The following GALK2 variants were observed in gnomAD, a reference collection of about 807,000 sequenced individuals.
GALK2 encodes the protein galactokinase 2.
A neutral mutation model predicts 52.4 loss-of-function variants in GALK2; 36 were observed. That is an observed-to-expected ratio of 0.69 (90% CI 0.53 to 0.91). GALK2 has a LOEUF of 0.91. Ranked by LOEUF, GALK2 falls within the 40% of genes least tolerant of loss-of-function variation. The pLI is 0.00. For synonymous variants in GALK2, 176 were observed against 199.1 expected, an observed-to-expected ratio of 0.88 and a Z score of 0.98; for missense variants, 579 against 559.1, an observed-to-expected ratio of 1.04 and a Z score of -0.36.
chr15:49,181,894 G>A (rs2086000087), intron 1 of GALK2, among the ~76,000 whole-genome samples: 1 of 151,004 alleles, frequency 6.6e-6, no homozygotes, highest in African/African-American at 2.4e-5. Context: ...TATTTATGGG[G>A]TACATGAGAT....
chr15:49,353,958 T>A (rs1174115140), intron 3 of GALK2: 4 of 152,160 alleles, frequency 2.6e-5, no homozygotes, highest in Non-Finnish European at 5.9e-5. Flanking sequence ...ATGGGAAAAA[T>A]GTGTGTTCAT....
chr15:49,351,952 T>C (rs2042317864), intron 3 of GALK2, among the ~76,000 whole-genome samples: 3 of 152,212 alleles, frequency 2.0e-5, no homozygotes, highest in South Asian at 4.1e-4. Context: ...TTTATATTAT[T>C]ACCTCTGTAG....
At chr15:49,275,261 A>C (rs963678114) in intron 5 of GALK2, among the ~76,000 whole-genome samples, 2 of 152,230 alleles carry the variant, frequency 1.3e-5, no homozygotes, top group Non-Finnish European at 2.9e-5. Flanking sequence ...TGTGCAGCAC[A>C]TGACTGTAGT....
chr15:49,258,620 A>C (rs1434330993), intron 5 of GALK2, among the ~76,000 whole-genome samples: 1 of 152,120 alleles, frequency 6.6e-6, no homozygotes, highest in African/African-American at 2.4e-5. Flanking sequence ...GAGTTAAAGT[A>C]TGTAACTCAG....
intron 1 of GALK2, chr15:49,156,236 C>A: frequency 1.8e-6 from 1 of 558,596 alleles, no homozygotes; most frequent in Non-Finnish European, 3.2e-6. Flanking sequence ...GTAAACTGAC[C>A]TTTACAGCCC....
intron 3 of GALK2, chr15:49,365,769 C>G: frequency 1.2e-6 from 1 of 857,992 alleles, no homozygotes; most frequent in Non-Finnish European, 2.0e-6. Context: ...CATTTTGAAA[C>G]ACAGCCCAAA....
At chr15:49,338,007 T>C (rs2040055257) in intron 3 of GALK2, among the ~76,000 whole-genome samples, 1 of 152,220 alleles carries the variant, frequency 6.6e-6, no homozygotes, top group African/African-American at 2.4e-5. Flanking sequence ...TATAATCCTT[T>C]GTGTATATAC....
chr15:49,213,374 G>A (rs2089094652), intron 2 of GALK2, among the ~76,000 whole-genome samples: 1 of 152,070 alleles, frequency 6.6e-6, no homozygotes, highest in East Asian at 1.9e-4. Context: ...TTAAGTTCTG[G>A]GATATAAATG....
chr15:49,237,665 C>T (rs569096008), intron 4 of GALK2, among the ~76,000 whole-genome samples: 8 of 151,760 alleles, frequency 5.3e-5, no homozygotes, highest in Non-Finnish European at 1.0e-4. Context: ...TTAGTAGAGA[C>T]GGGGTTTCAC....
chr15:49,308,667 T>C (rs898008160), intron 8 of GALK2, among the ~76,000 whole-genome samples: 2 of 152,148 alleles, frequency 1.3e-5, no homozygotes, highest in Non-Finnish European at 2.9e-5. Context: ...GAGATGATGG[T>C]CCAGCTCTCC....
chr15:49,204,104 A>C (rs2088039638), intron 2 of GALK2, among the ~76,000 whole-genome samples: 1 of 80,082 alleles, frequency 1.2e-5, no homozygotes, highest in African/African-American at 5.4e-5. Flanking sequence ...ATTCTGTCTC[A>C]AAAAAAAAAA....
At chr15:49,321,641 A>C (rs1219181220) in intron 9 of GALK2, among the ~76,000 whole-genome samples, 1 of 152,212 alleles carries the variant, frequency 6.6e-6, no homozygotes, top group Non-Finnish European at 1.5e-5. Context: ...GGGGTCTTAG[A>C]GATCCAGGAA....
At chr15:49,319,558 C>T in intron 8 of GALK2, 46 bp from the exon 9 acceptor site, 2 of 1,533,100 alleles carry the variant, frequency 1.3e-6, no homozygotes, top group Non-Finnish European at 1.8e-6. Flanking sequence ...ACTGGGTTGT[C>T]CAGTAACTAT....
chr15:49,238,401 A>G (rs16962166), intron 4 of GALK2, among the ~76,000 whole-genome samples: 9,194 of 152,254 alleles, frequency 0.06, 556 homozygotes, highest in African/African-American at 0.15. Flanking sequence ...GAGTTTCCTC[A>G]ACTTGTTTAG....
At chr15:49,347,901 C>T (rs2041736708) in intron 3 of GALK2, among the ~76,000 whole-genome samples, 1 of 151,832 alleles carries the variant, frequency 6.6e-6, no homozygotes, top group Non-Finnish European at 1.5e-5. Flanking sequence ...TGCCTGTAGT[C>T]CCAGCTACTC....
chr15:49,251,181 T>C (rs1013371690), intron 5 of GALK2, among the ~76,000 whole-genome samples: 2 of 152,228 alleles, frequency 1.3e-5, no homozygotes, highest in Admixed American at 1.3e-4. Flanking sequence ...CAAAAAATTC[T>C]GAACAAAATG....
chr15:49,235,898 C>T lies in GALK2; in HGVS notation c.314C>T (p.Pro105Leu), dbSNP rs755161315. ...AACATCCAGATTGATAAAACCAAGC[C>T]TTTGTGGCACAACTATTTCTTATGT... is the stretch of plus-strand genomic sequence containing the variant. ...ANNIQIDKTK[P>L]LWHNYFLCGL... Residue 105 changes from proline (P) to leucine (L), a missense_variant, in exon 4 of 10, where the codon CCT (proline) becomes CTT (leucine). Pro to Leu is a moderately conservative substitution (Grantham distance 98, BLOSUM62 -3). Coordinates refer to ENST00000560031, the MANE Select transcript of GALK2 (RefSeq NM_002044.4). 6.2e-7 allele frequency: 1 copy of T among 1,613,740 alleles called. No individual in the cohort carries two copies. Among genetic ancestry groups the T allele is most frequent in the Non-Finnish European group, 8.5e-7 (1 of 1,179,656 alleles).
At chr15:49,365,838 G>A (rs2045071888) in intron 3 of GALK2, 2 of 882,228 alleles carry the variant, frequency 2.3e-6, no homozygotes, top group East Asian at 2.4e-5. Context: ...CCATGCTTTT[G>A]CCGCGACACT....
At chr15:49,282,162 C>A in intron 6 of GALK2, 77 bp downstream of exon 6, 1 of 997,638 alleles carries the variant, frequency 1.0e-6, no homozygotes, top group Non-Finnish European at 1.6e-6. Flanking sequence ...GCCCTGAGAG[C>A]CCCAGGATGC....
Sources: allele counts gnomAD v4.1 joint callset (sites outside exome capture counted in the v4.1 genomes callset), GRCh38; gene constraint gnomAD v4.1.1; transcripts MANE v1.5; gene names NCBI Gene and HGNC (gene_info 2026-07-23, HGNC 2026-07-21).